TIMM23: variants seen among roughly 807,000 people sequenced by gnomAD.
TIMM23 encodes translocase of inner mitochondrial membrane 23.
Under a neutral mutation model 30.7 loss-of-function variants are expected in TIMM23, and 19 were observed. The ratio of observed to expected loss-of-function variants is 0.62; its 90% CI spans 0.43 to 0.91. The LOEUF is 0.91. Among genes scored for constraint, TIMM23 ranks in the 40% least tolerant of loss-of-function variants. The pLI is 0.00. For synonymous variants in TIMM23, 78 were observed against 98.5 expected, an observed-to-expected ratio of 0.79 and a Z score of 1.23; for missense variants, 202 against 269.2, an observed-to-expected ratio of 0.75 and a Z score of 1.75.
At position 46,002,189 on chromosome 10, in the gene TIMM23, AT is replaced by A. The variant is rs558578700; in HGVS notation, c.515-1004del. ...AGTGTGATTATAGCTATCTTACCACATTTTTTTTTTCTTTCTCACTCTGTCA... is the reference window on the plus strand; with the variant it reads ...AGTGTGATTATAGCTATCTTACCACATTTTTTTTTCTTTCTCACTCTGTCA... On this transcript the variant is annotated intron_variant, in intron 6 of 6. Coordinates refer to ENST00000580018, the MANE Select transcript of TIMM23 (RefSeq NM_006327.4). 2.2e-3 allele frequency among the ~76,000 whole-genome samples: 328 copies of A among 148,572 alleles called. 1 individual carries two copies. The highest frequency in any genetic ancestry group is 3.2e-3 in the Non-Finnish European group (213 of 66,954).
chr10:46,001,105 C>G (rs1363302305), intron 6 of TIMM23, among the ~76,000 whole-genome samples: 4 of 152,188 alleles, frequency 2.6e-5, no homozygotes, highest in African/African-American at 9.7e-5. Flanking sequence ...AGCTCTGCAG[C>G]TTTTTACTGA....
intron 6 of TIMM23, among the ~76,000 whole-genome samples, chr10:45,993,873 GA>G (rs1416067271): frequency 6.6e-6 from 1 of 151,354 alleles, no homozygotes; most frequent in Non-Finnish European, 1.5e-5. Flanking sequence ...ATGAAATAAT[GA>G]AATGAACAAT....
chr10:45,997,899 G>A (rs1374275479), intron 6 of TIMM23, among the ~76,000 whole-genome samples: 1 of 152,082 alleles, frequency 6.6e-6, no homozygotes, highest in Non-Finnish European at 1.5e-5. Context: ...AATGGTTAAG[G>A]TGGTAAAATT....
intron 2 of TIMM23, among the ~76,000 whole-genome samples, chr10:45,980,607 G>GTCTTTTC (rs1590114067): frequency 2.6e-5 from 4 of 151,556 alleles, no homozygotes; most frequent in African/African-American, 9.7e-5. Context: ...AATTAAAAAA[G>GTCTTTTC]TTTTTTCTTT....
intron 6 of TIMM23, among the ~76,000 whole-genome samples, chr10:45,995,363 G>A (rs1783578960): frequency 6.6e-6 from 1 of 150,680 alleles, no homozygotes; most frequent in South Asian, 2.1e-4. Context: ...CTTCCCTTGT[G>A]TTAGAAAATG....
intron 5 of TIMM23, among the ~76,000 whole-genome samples, 178 bp from the exon 6 acceptor site, chr10:45,988,559 T>C (rs1181321897): frequency 6.6e-6 from 1 of 152,152 alleles, no homozygotes; most frequent in Non-Finnish European, 1.5e-5. Context: ...CCTCTGAAGC[T>C]GTTCCAAAGC....
intron 6 of TIMM23, chr10:46,002,582 C>T: frequency 1.3e-6 from 1 of 758,146 alleles, no homozygotes; most frequent in Non-Finnish European, 1.6e-6. Context: ...AATCCATTGA[C>T]AGTGCTAGTG....
intron 2 of TIMM23, among the ~76,000 whole-genome samples, chr10:45,977,776 A>AATCCCAGCACTTTGG (rs1193025936): frequency 6.6e-6 from 1 of 152,240 alleles, no homozygotes; most frequent in Admixed American, 6.5e-5. Context: ...TCATACCTGT[A>AATCCCAGCACTTTGG]ATCCCAGCAC....
chr10:45,981,018 C>A (rs1317073154), intron 2 of TIMM23, among the ~76,000 whole-genome samples: 1 of 144,974 alleles, frequency 6.9e-6, no homozygotes, highest in Non-Finnish European at 1.5e-5. Flanking sequence ...CAGCTCACTG[C>A]AACCTCCACC....
intron 6 of TIMM23, among the ~76,000 whole-genome samples, chr10:46,000,964 T>C (rs1448211015): frequency 6.6e-6 from 1 of 152,174 alleles, no homozygotes; most frequent in African/African-American, 2.4e-5. Context: ...CTTGGAAGAA[T>C]CCTTATTACA....
At chr10:45,978,429 C>A (rs1274212945) in intron 2 of TIMM23, among the ~76,000 whole-genome samples, 1 of 152,044 alleles carries the variant, frequency 6.6e-6, no homozygotes, top group Admixed American at 6.6e-5. Flanking sequence ...GAATTTATAT[C>A]TAGAATATTT....
intron 2 of TIMM23, among the ~76,000 whole-genome samples, chr10:45,979,466 C>CT (rs782211474): frequency 0.16 from 23,268 of 146,666 alleles, 2,088 homozygotes; most frequent in Middle Eastern, 0.25. Flanking sequence ...CTGGCTAATT[C>CT]TTTTTTTTTT....
intron 1 of TIMM23, among the ~76,000 whole-genome samples, chr10:45,973,273 C>T (rs1449221800): frequency 1.3e-5 from 2 of 152,012 alleles, no homozygotes; most frequent in African/African-American, 4.8e-5. Context: ...AGAAAGAAGC[C>T]AGGTAAGAAT....
At chr10:45,984,994 A>G (rs1397845056) in intron 4 of TIMM23, among the ~76,000 whole-genome samples, 2 of 152,172 alleles carry the variant, frequency 1.3e-5, no homozygotes, top group Non-Finnish European at 2.9e-5. Flanking sequence ...CTAGCTCGCC[A>G]TAGTTAACAG....
chr10:45,982,490 C>T, intron 2 of TIMM23, 33 bp from the exon 3 acceptor site: 3 of 1,606,316 alleles, frequency 1.9e-6, no homozygotes, highest in Non-Finnish European at 2.6e-6. Flanking sequence ...TCTTGAGGGA[C>T]ACTCAGCTTG....
intron 6 of TIMM23, chr10:45,990,653 G>A (rs1366072452): frequency 1.7e-5 from 7 of 421,120 alleles, no homozygotes; most frequent in South Asian, 7.0e-5. Flanking sequence ...GAACTCCTGG[G>A]CTCAAGCAGT....
chr10:45,975,937 G>A (rs1564902831), intron 2 of TIMM23, among the ~76,000 whole-genome samples: 2 of 152,112 alleles, frequency 1.3e-5, no homozygotes, highest in Non-Finnish European at 2.9e-5. Context: ...AAGTAGCTGG[G>A]ACTACAGGCG....
At chr10:45,985,576 G>A (rs1237319999) in intron 5 of TIMM23, 135 bp downstream of exon 5, 3 of 1,092,392 alleles carry the variant, frequency 2.7e-6, no homozygotes, top group Non-Finnish European at 4.2e-6. Flanking sequence ...GCATAATGTA[G>A]ATACTACTTA....
Position 45,982,892 on chromosome 10 carries a change from A to G in TIMM23, c.306A>G (p.Glu102=). 6.2e-7 allele frequency: 1 copy of G among 1,613,932 alleles called. No homozygotes were observed. Among genetic ancestry groups the G allele is most frequent in the African/African-American group, 1.3e-5 (1 of 75,034 alleles). The part of the protein sequence containing the change: ...AMNGLRLGLK[E]TQNMAWSKPR... ...ATGGTCTTCGGCTAGGATTGAAGGA[A>G]ACCCAGAACATGGCCTGGTCCAAAC... The change falls in exon 4 of 7, where the codon GAA becomes GAG. Residue 102 remains glutamate (E), a synonymous_variant. Coordinates refer to ENST00000580018, the MANE Select transcript of TIMM23 (RefSeq NM_006327.4).
Sources: allele counts gnomAD v4.1 joint callset (sites outside exome capture counted in the v4.1 genomes callset), GRCh38; gene constraint gnomAD v4.1.1; transcripts MANE v1.5; gene names NCBI Gene and HGNC (gene_info 2026-07-23, HGNC 2026-07-21).